The following IL3RA variants were observed in gnomAD, a reference collection of about 807,000 sequenced individuals.
The protein encoded by IL3RA is interleukin 3 receptor subunit alpha.
Under a neutral mutation model 52.3 loss-of-function variants are expected in IL3RA, and 73 were observed. The observed-to-expected ratio is 1.40, with a 90% confidence interval of 1.16 to 1.70. IL3RA has a LOEUF of 1.70. IL3RA is among the 40% of genes most tolerant of loss of function. The pLI, the probability that IL3RA is intolerant of heterozygous loss-of-function variation, is 0.00. For missense variants in IL3RA, 664 were observed against 504.4 expected, an observed-to-expected ratio of 1.32 and a Z score of -3.03; for synonymous variants, 260 against 194.0, an observed-to-expected ratio of 1.34 and a Z score of -2.83.
At chrX:1,354,518 AAC>A (rs1439697181) in intron 6 of IL3RA, among the ~76,000 whole-genome samples, 2 of 143,166 alleles carry the variant, frequency 1.4e-5, no homozygotes, top group Non-Finnish European at 3.1e-5. Flanking sequence ...AAGGAAAAGA[AAC>A]AGAGGAAAAG....
At chrX:1,343,024 T>G (rs17886124) in intron 2 of IL3RA, among the ~76,000 whole-genome samples, 5,969 of 150,928 alleles carry the variant, frequency 0.04, 316 homozygotes, top group African/African-American at 0.12. Flanking sequence ...GCAGTGAGCC[T>G]AGATCACGCC....
At chrX:1,380,310 G>C (rs1367273989) in intron 10 of IL3RA, among the ~76,000 whole-genome samples, 22 of 146,720 alleles carry the variant, frequency 1.5e-4, no homozygotes, top group Non-Finnish European at 2.1e-4. Flanking sequence ...TTACAGGCTT[G>C]AGCCACCATG....
chrX:1,379,670 C>T (rs755643398), intron 10 of IL3RA, among the ~76,000 whole-genome samples: 9 of 152,336 alleles, frequency 5.9e-5, no homozygotes, highest in African/African-American at 1.2e-4. Flanking sequence ...GGGGCCTGGG[C>T]GAACGTCACA....
At position 1,359,049 on chromosome X, in the gene IL3RA, T is replaced by C. The variant is rs1357764924; in HGVS notation, c.759+162T>C. ...ATTATTCAATGTTCAGTGACTTTCA[T>C]TGGACAGACTCTTGAGTGTCACCCT... On this transcript the variant is annotated intron_variant, in intron 8 of 11. Transcript: ENST00000331035. 3.9e-5 allele frequency among the ~76,000 whole-genome samples: 6 copies of C among 152,204 alleles called. No homozygotes were observed. The South Asian group carries it at 8.3e-4, about 21-fold the overall frequency.
At chrX:1,345,743 G>A (rs1186464848) in intron 3 of IL3RA, among the ~76,000 whole-genome samples, 1 of 151,808 alleles carries the variant, frequency 6.6e-6, no homozygotes, top group African/African-American at 2.4e-5. Context: ...GCCCGCCTCG[G>A]CCTCCCAAAG....
At chrX:1,343,666 CA>C (rs760518972) in intron 2 of IL3RA, among the ~76,000 whole-genome samples, 9,613 of 68,482 alleles carry the variant, frequency 0.14, 683 homozygotes, top group African/African-American at 0.32. Flanking sequence ...GGCTCCATCT[CA>C]AAAAAAAAAA....
At chrX:1,349,545 C>T (rs1247154954) in intron 4 of IL3RA, among the ~76,000 whole-genome samples, 13 of 152,090 alleles carry the variant, frequency 8.5e-5, no homozygotes, top group Non-Finnish European at 1.3e-4. Flanking sequence ...CTCCTAGGCT[C>T]AAGTGATCCT....
rs142649293 is a variant in IL3RA, at chrX:1,343,069, C to T, written c.64+1240C>T. The stretch of plus-strand genomic sequence containing the variant: ...CAGCCTGGGCGACAGAGTGAGACTC[C>T]GTCTCAAAATGAATGAATGAATGAA... On this transcript the variant is annotated intron_variant, in intron 2 of 11. Coordinates refer to ENST00000331035, the MANE Select transcript of IL3RA (RefSeq NM_002183.4). Among the ~76,000 whole-genome samples the T allele has an allele frequency of 6.5e-3, 985 of 151,680 alleles. 16 individuals carry two copies. Among genetic ancestry groups the T allele is most frequent in the African/African-American group, 0.022 (914 of 41,432 alleles).
chrX:1,339,665 A>ATG (rs1431930708), intron 1 of IL3RA, among the ~76,000 whole-genome samples: 1,661 of 152,098 alleles, frequency 0.011, 35 homozygotes, highest in African/African-American at 0.038. Flanking sequence ...GGTGGCGGAC[A>ATG]CCGGTAATCC....
At chrX:1,345,463 TTTTTA>T (rs750471688) in intron 3 of IL3RA, 29 bp downstream of exon 3, 8 of 1,362,864 alleles carry the variant, frequency 5.9e-6, no homozygotes, top group African/African-American at 4.5e-5. Flanking sequence ...TGTTTTTTTA[TTTTTA>T]TTTTATTTAT....
At chrX:1,349,575 G>C (rs1257568934) in intron 4 of IL3RA, among the ~76,000 whole-genome samples, 15 of 152,114 alleles carry the variant, frequency 9.9e-5, no homozygotes, top group Non-Finnish European at 2.9e-5. Context: ...GTCTCCCAAA[G>C]TGCAGGGATT....
rs560103243 is a variant in IL3RA at position 1,379,960 on chromosome X, G to C, written c.981-1063G>C. 7.2e-4 allele frequency among the ~76,000 whole-genome samples: 109 copies of C among 151,976 alleles called. 3 individuals carry two copies. The South Asian group carries it at 0.021, about 29-fold the overall frequency. On this transcript the variant is annotated intron_variant, in intron 10 of 11. Coordinates refer to ENST00000331035, the MANE Select transcript of IL3RA (RefSeq NM_002183.4). The stretch of plus-strand genomic sequence containing the variant: ...TTTTTAGTAGAGATGGGGTTTCTCC[G>C]TGTTGGTCAGGCTGGTCTTGAACTC...
chrX:1,364,581 C>T (rs1160068933), intron 8 of IL3RA, among the ~76,000 whole-genome samples: 4 of 151,890 alleles, frequency 2.6e-5, no homozygotes, highest in African/African-American at 7.3e-5. Flanking sequence ...AGGTATCCCC[C>T]CACCTCAGCC....
chrX:1,344,249 C>T (rs1267862232), intron 2 of IL3RA, among the ~76,000 whole-genome samples: 4 of 151,912 alleles, frequency 2.6e-5, no homozygotes, highest in Non-Finnish European at 5.9e-5. Flanking sequence ...GCCTGGCCAA[C>T]ATGGTGAAAC....
chrX:1,351,102 G>A (rs1454821182), intron 4 of IL3RA, among the ~76,000 whole-genome samples: 1 of 151,924 alleles, frequency 6.6e-6, no homozygotes, highest in Non-Finnish European at 1.5e-5. Context: ...AGATACTTGG[G>A]AGGCTGAGGC....
chrX:1,341,640 C>G, intron 1 of IL3RA, 88 bp from the exon 2 acceptor site: 1 of 973,320 alleles, frequency 1.0e-6, no homozygotes, highest in Non-Finnish European at 1.6e-6. Context: ...CTGTGAGCAC[C>G]AGGCTCTGGA....
chrX:1,378,793 C>G, intron 10 of IL3RA, 29 bp downstream of exon 10: 1 of 1,585,892 alleles, frequency 6.3e-7, no homozygotes, highest in Non-Finnish European at 8.6e-7. Flanking sequence ...CCGCGAGCGT[C>G]GCTTGTTTCC....
intron 10 of IL3RA, among the ~76,000 whole-genome samples, chrX:1,380,654 G>A (rs1212349592): frequency 1.2e-5 from 1 of 84,218 alleles, no homozygotes; most frequent in Non-Finnish European, 2.5e-5. Flanking sequence ...AGGGGGAGAG[G>A]GAGGGGTAGG....
At chrX:1,378,862 T>C in intron 10 of IL3RA, 98 bp downstream of exon 10, 1 of 1,135,142 alleles carries the variant, frequency 8.8e-7, no homozygotes, top group South Asian at 1.3e-5. Context: ...ATTATTTTTG[T>C]GATGGAGTCT....
Sources: allele counts gnomAD v4.1 joint callset (sites outside exome capture counted in the v4.1 genomes callset), GRCh38; gene constraint gnomAD v4.1.1; transcripts MANE v1.5; gene names NCBI Gene and HGNC (gene_info 2026-07-23, HGNC 2026-07-21).